Variants in TRMT9B observed in about 807,000 individuals in gnomAD.
TRMT9B encodes the protein tRNA methyltransferase 9B (putative), also known as probable tRNA methyltransferase 9B.
Under a neutral mutation model 11.5 loss-of-function variants are expected in TRMT9B, and 16 were observed. The observed-to-expected ratio is 1.39, with a 90% CI of 0.94 to 2.11. TRMT9B has a LOEUF of 2.11. TRMT9B is among the 30% of genes most tolerant of loss of function. The pLI, the probability that TRMT9B is intolerant of heterozygous loss-of-function variation, is 0.00. For synonymous variants in TRMT9B, 274 were observed against 192.4 expected, an observed-to-expected ratio of 1.42 and a Z score of -3.51; for missense variants, 941 against 553.8, an observed-to-expected ratio of 1.70 and a Z score of -7.02.
At chr8:12,965,469 C>A (rs77208035) in intron 1 of TRMT9B, among the ~76,000 whole-genome samples, 4 of 152,124 alleles carry the variant, frequency 2.6e-5, no homozygotes, top group African/African-American at 7.2e-5. Flanking sequence ...CCCCAGCATC[C>A]GGATCCCCGT....
intron 1 of TRMT9B, among the ~76,000 whole-genome samples, chr8:12,949,734 A>G (rs1019682197): frequency 6.6e-6 from 1 of 152,216 alleles, no homozygotes; most frequent in Non-Finnish European, 1.5e-5. Context: ...GGGGTTTCAA[A>G]GCTTCTATCA....
chr8:12,983,027 C>A (rs770294348), intron 1 of TRMT9B, among the ~76,000 whole-genome samples: 27 of 152,190 alleles, frequency 1.8e-4, no homozygotes, highest in Non-Finnish European at 3.7e-4. Flanking sequence ...CACATGGGGC[C>A]AAGAGCTGCG....
intron 2 of TRMT9B, among the ~76,000 whole-genome samples, chr8:12,999,242 T>G (rs1388812126): frequency 7.2e-6 from 1 of 139,478 alleles, no homozygotes; most frequent in Non-Finnish European, 1.5e-5. Context: ...GAGGTTGCAG[T>G]GAGCCAAGAT....
intron 1 of TRMT9B, among the ~76,000 whole-genome samples, chr8:12,973,214 T>G (rs768542551): frequency 7.9e-5 from 12 of 152,204 alleles, no homozygotes; most frequent in Non-Finnish European, 1.6e-4. Context: ...TTGTGACCCT[T>G]AGTCCAACGC....
At chr8:12,970,923 TA>T (rs1803521894) in intron 1 of TRMT9B, among the ~76,000 whole-genome samples, 2 of 152,256 alleles carry the variant, frequency 1.3e-5, no homozygotes, top group South Asian at 4.1e-4. Context: ...CACATTTCTC[TA>T]TGAAGGCTCA....
chr8:13,004,231 G>A lies in TRMT9B; in HGVS notation c.-1-1971G>A, dbSNP rs146408935. ...CTAAATACACTTGAAAGGCAGTGTA[G>A]GCCCCAAGGACTGCAGCTCCTAGGT... On this transcript the variant is annotated intron_variant, in intron 2 of 4. Coordinates refer to ENST00000524591, the MANE Select transcript of TRMT9B (RefSeq NM_020844.3). 3.8e-3 allele frequency among the ~76,000 whole-genome samples: 578 copies of A among 152,028 alleles called. 5 individuals carry two copies. Among genetic ancestry groups the A allele is most frequent in the African/African-American group, 0.012 (514 of 41,498 alleles).
chr8:12,967,985 T>G (rs892719874), intron 1 of TRMT9B, among the ~76,000 whole-genome samples: 2 of 152,168 alleles, frequency 1.3e-5, no homozygotes, highest in Non-Finnish European at 2.9e-5. Context: ...AACCTCCGCC[T>G]ACTGGGCTCT....
chr8:13,021,240 C>A lies in TRMT9B; in HGVS notation c.561C>A (p.Gly187=). The A allele has an allele frequency of 6.2e-7, 1 of 1,613,884 alleles. No homozygotes were observed. Among genetic ancestry groups the A allele is most frequent in the South Asian group, 1.1e-5 (1 of 91,052 alleles). Residue 187 remains glycine, a synonymous_variant, in exon 5 of 5, where the codon GGC becomes GGA. Coordinates refer to ENST00000524591, the MANE Select transcript of TRMT9B (RefSeq NM_020844.3). ...GGCAGTGTGGATACCCAGAAAGAGGCCATCCCTACCATCCTCCTTGCTCTG... is the reference window on the plus strand; with the variant it reads ...GGCAGTGTGGATACCCAGAAAGAGGACATCCCTACCATCCTCCTTGCTCTG... The part of the protein sequence containing the change: ...RKRQCGYPER[G]HPYHPPCSEC...
At chr8:12,960,865 G>A (rs542878511) in intron 1 of TRMT9B, among the ~76,000 whole-genome samples, 21 of 152,228 alleles carry the variant, frequency 1.4e-4, no homozygotes, top group East Asian at 7.7e-4. Context: ...AAACTGGGCT[G>A]GGCGCGGTGG....
rs142786891 is a variant in TRMT9B at position 12,969,389 on chromosome 8, A to C, written c.-199-21445A>C. Among the ~76,000 whole-genome samples, 5 of 151,556 alleles carry C rather than the reference A, an allele frequency of 3.3e-5. No individual in the cohort carries two copies. The South Asian group carries it at 8.4e-4, about 25-fold the overall frequency. ...AGTAAGTAAACAATTGCACCCAGTC[A>C]CTCCTTTGCATCCAAAGGGGATTGG... On this transcript the variant is annotated intron_variant, in intron 1 of 4. Coordinates refer to ENST00000524591, the MANE Select transcript of TRMT9B (RefSeq NM_020844.3).
intron 4 of TRMT9B, among the ~76,000 whole-genome samples, chr8:13,016,222 T>G (rs1812653829): frequency 1.7e-5 from 2 of 116,928 alleles, no homozygotes; most frequent in Non-Finnish European, 3.6e-5. Context: ...AAAATATAAA[T>G]GTGAAATATA....
intron 1 of TRMT9B, among the ~76,000 whole-genome samples, chr8:12,947,089 G>T (rs916535799): frequency 7.9e-5 from 12 of 152,158 alleles, no homozygotes; most frequent in African/African-American, 2.9e-4. Context: ...AAATTGTGCT[G>T]ACTAATAAAC....
chr8:12,974,504 A>G (rs1804126049), intron 1 of TRMT9B, among the ~76,000 whole-genome samples: 1 of 152,172 alleles, frequency 6.6e-6, no homozygotes, highest in Admixed American at 6.5e-5. Context: ...TTCAAGGGCA[A>G]TGGAAGAATG....
At chr8:12,957,636 A>G (rs1801487049) in intron 1 of TRMT9B, among the ~76,000 whole-genome samples, 1 of 152,224 alleles carries the variant, frequency 6.6e-6, no homozygotes, top group South Asian at 2.1e-4. Flanking sequence ...TGCCCTGAAT[A>G]CAGAAGCATA....
At position 13,026,704 on chromosome 8, in the gene TRMT9B, G is replaced by C. The variant is rs1056484645; in HGVS notation, c.*4660G>C. 6.0e-6 allele frequency: 1 copy of C among 167,122 alleles called. No homozygotes were observed. The highest frequency in any genetic ancestry group is 6.5e-5 in the Admixed American group (1 of 15,278). 10.4% of individuals were successfully genotyped at this position (167,122 alleles called of 1,614,324 possible). A position where few individuals can be genotyped will look rare whatever the true frequency, so the allele number is the denominator to read the frequency against. ...TAAATTGCTTAAGGTTACACACATA[G>C]TAGGTATCACACATTTAGTTAGAGG... On this transcript the variant is annotated 3_prime_UTR_variant, in exon 5 of 5. Coordinates refer to ENST00000524591, the MANE Select transcript of TRMT9B (RefSeq NM_020844.3).
intron 1 of TRMT9B, chr8:12,952,207 C>A (rs527297566): frequency 2.2e-6 from 1 of 451,580 alleles, no homozygotes; most frequent in South Asian, 1.6e-5. Flanking sequence ...CGCCGGCGAC[C>A]GGAGCACTGA....
chr8:13,002,802 A>G (rs756684444), intron 2 of TRMT9B, among the ~76,000 whole-genome samples: 5 of 152,280 alleles, frequency 3.3e-5, no homozygotes, highest in Non-Finnish European at 7.3e-5. Flanking sequence ...TACAGGGAAG[A>G]CACCGTCTTA....
At chr8:12,996,590 A>T (rs77098346) in intron 2 of TRMT9B, among the ~76,000 whole-genome samples, 9,410 of 152,254 alleles carry the variant, frequency 0.062, 367 homozygotes, top group African/African-American at 0.11. Flanking sequence ...GATGGCATTC[A>T]TCCCTCATGG....
intron 1 of TRMT9B, among the ~76,000 whole-genome samples, chr8:12,974,208 C>T (rs916179072): frequency 1.3e-5 from 2 of 151,906 alleles, no homozygotes; most frequent in African/African-American, 4.8e-5. Flanking sequence ...GGCTCCCTAA[C>T]CTCTCCTTGC....
Sources: allele counts gnomAD v4.1 joint callset (sites outside exome capture counted in the v4.1 genomes callset), GRCh38; gene constraint gnomAD v4.1.1; transcripts MANE v1.5; gene names NCBI Gene and HGNC (gene_info 2026-07-23, HGNC 2026-07-21).